Variants in PCDH9 observed in about 807,000 individuals in gnomAD.
PCDH9 encodes the protein protocadherin-9.
PCDH9 carries 24 observed loss-of-function variants against 70.6 expected under a neutral mutation model. The ratio of observed to expected loss-of-function variants is 0.34; its 90% CI spans 0.25 to 0.48. PCDH9 has a LOEUF of 0.48. Ranked by LOEUF, PCDH9 falls within the 20% of genes least tolerant of loss-of-function variation. The pLI, the probability that PCDH9 is intolerant of heterozygous loss-of-function variation, is 0.99. For missense variants in PCDH9, 1,281 were observed against 1,503.6 expected, an observed-to-expected ratio of 0.85 and a Z score of 2.45; for synonymous variants, 562 against 558.5, an observed-to-expected ratio of 1.01 and a Z score of -0.09.
chr13:66,817,211 G>A (rs965917249), intron 3 of PCDH9, among the ~76,000 whole-genome samples: 1 of 152,028 alleles, frequency 6.6e-6, no homozygotes, highest in African/African-American at 2.4e-5. Flanking sequence ...GGTATTGCCT[G>A]GGGTCCTGAC....
At chr13:66,943,291 G>A (rs897279364) in intron 2 of PCDH9, among the ~76,000 whole-genome samples, 20 of 151,328 alleles carry the variant, frequency 1.3e-4, no homozygotes, top group African/African-American at 4.6e-4. Context: ...TTTCCCTACT[G>A]TGCCTTCATG....
At chr13:67,115,533 G>A (rs1033659412) in intron 2 of PCDH9, among the ~76,000 whole-genome samples, 5 of 152,150 alleles carry the variant, frequency 3.3e-5, no homozygotes, top group African/African-American at 1.2e-4. Context: ...TGTCCCACGA[G>A]AACAAAGTGA....
chr13:66,605,132 C>T (rs1450647869), intron 4 of PCDH9, among the ~76,000 whole-genome samples: 3 of 152,030 alleles, frequency 2.0e-5, no homozygotes, highest in African/African-American at 7.2e-5. Context: ...TCTCTCAAAA[C>T]TTACCACAAC....
At chr13:66,540,850 A>T (rs1318068907) in intron 4 of PCDH9, among the ~76,000 whole-genome samples, 2 of 152,146 alleles carry the variant, frequency 1.3e-5, no homozygotes, top group Non-Finnish European at 2.9e-5. Context: ...ATTTAATTAG[A>T]TCAGTTTAAT....
chr13:67,141,551 C>T (rs2087389337), intron 2 of PCDH9, among the ~76,000 whole-genome samples: 1 of 152,030 alleles, frequency 6.6e-6, no homozygotes, highest in African/African-American at 2.4e-5. Context: ...AGTGATTCTC[C>T]TGCCTCAGCC....
chr13:67,225,189 T>C (rs2089824796), intron 2 of PCDH9: 1 of 1,370,078 alleles, frequency 7.3e-7, no homozygotes, highest in Non-Finnish European at 9.4e-7. Flanking sequence ...TGAAGGAAAC[T>C]GAAAGGAGAA....
At chr13:66,321,376 C>T (rs1955749792) in intron 4 of PCDH9, among the ~76,000 whole-genome samples, 1 of 151,978 alleles carries the variant, frequency 6.6e-6, no homozygotes, top group South Asian at 2.1e-4. Context: ...CAGCAAATTA[C>T]ATTTTCCTCA....
intron 3 of PCDH9, among the ~76,000 whole-genome samples, chr13:66,679,110 C>A (rs1340574959): frequency 6.6e-6 from 1 of 151,490 alleles, no homozygotes; most frequent in Non-Finnish European, 1.5e-5. Context: ...ATTAATTGAG[C>A]TTTTTCGGTA....
chr13:66,522,007 CA>C (rs1013754777), intron 4 of PCDH9, among the ~76,000 whole-genome samples: 15 of 133,786 alleles, frequency 1.1e-4, no homozygotes, highest in African/African-American at 3.2e-4. Flanking sequence ...GACCCTGTCT[CA>C]AAAAAAAAGT....
intron 3 of PCDH9, among the ~76,000 whole-genome samples, chr13:66,636,661 T>C (rs9529107): frequency 0.068 from 10,353 of 152,172 alleles, 401 homozygotes; most frequent in Middle Eastern, 0.1. Flanking sequence ...GGAAACATTG[T>C]ACCTAATTTT....
At chr13:66,842,100 C>A (rs1352652174) in intron 3 of PCDH9, among the ~76,000 whole-genome samples, 6 of 152,134 alleles carry the variant, frequency 3.9e-5, no homozygotes, top group Non-Finnish European at 2.9e-5. Flanking sequence ...CTTCTCTAGG[C>A]ACACAATATG....
intron 4 of PCDH9, among the ~76,000 whole-genome samples, chr13:66,445,577 A>ATATATACACATATATAT (rs1958066354): frequency 7.0e-6 from 1 of 143,688 alleles, no homozygotes; most frequent in African/African-American, 2.5e-5. Flanking sequence ...TGTATATATT[A>ATATATACACATATATAT]TATATACACA....
intron 2 of PCDH9, among the ~76,000 whole-genome samples, chr13:67,131,833 C>G (rs748234451): frequency 1.4e-4 from 21 of 152,144 alleles, no homozygotes; most frequent in Non-Finnish European, 3.1e-4. Flanking sequence ...GTCGTTGAGA[C>G]AGAGATGATG....
chr13:66,990,352 CCT>C (rs2083976001), intron 2 of PCDH9, among the ~76,000 whole-genome samples: 1 of 151,546 alleles, frequency 6.6e-6, no homozygotes, highest in Admixed American at 6.6e-5. Context: ...TCATCATCTC[CCT>C]CTCTTTCCTT....
intron 2 of PCDH9, among the ~76,000 whole-genome samples, chr13:67,074,695 A>T (rs1232058562): frequency 1.3e-5 from 2 of 152,168 alleles, no homozygotes; most frequent in Non-Finnish European, 2.9e-5. Context: ...ATAAAAGTCA[A>T]GTAAAAATAA....
At chr13:66,405,292 T>A (rs1302912520) in intron 4 of PCDH9, among the ~76,000 whole-genome samples, 2 of 152,222 alleles carry the variant, frequency 1.3e-5, no homozygotes, top group African/African-American at 2.4e-5. Flanking sequence ...TTCAAGATGT[T>A]GTTTGCAATA....
intron 4 of PCDH9, among the ~76,000 whole-genome samples, chr13:66,442,237 G>A (rs1957988411): frequency 6.6e-6 from 1 of 152,084 alleles, no homozygotes; most frequent in Non-Finnish European, 1.5e-5. Flanking sequence ...ATAAATAAAA[G>A]TTTAGAGATC....
At chr13:66,780,022 T>A (rs973537964) in intron 3 of PCDH9, among the ~76,000 whole-genome samples, 4 of 151,406 alleles carry the variant, frequency 2.6e-5, no homozygotes, top group African/African-American at 9.7e-5. Context: ...AAGCTAGAGA[T>A]CTAATATACA....
chr13:66,627,920 G>A (rs907584887), intron 4 of PCDH9, among the ~76,000 whole-genome samples: 2 of 152,204 alleles, frequency 1.3e-5, no homozygotes, highest in Non-Finnish European at 2.9e-5. Flanking sequence ...CTAGGTCGAA[G>A]TCACTGGGTA....
Sources: allele counts gnomAD v4.1 joint callset (sites outside exome capture counted in the v4.1 genomes callset), GRCh38; gene constraint gnomAD v4.1.1; transcripts MANE v1.5; gene names NCBI Gene and HGNC (gene_info 2026-07-23, HGNC 2026-07-21).